EML6: variants seen among roughly 807,000 people sequenced by gnomAD.
The protein encoded by EML6 is EMAP like 6.
Under a neutral mutation model 240.1 loss-of-function variants are expected in EML6, and 154 were observed. The observed-to-expected ratio is 0.64, with a 90% confidence interval of 0.56 to 0.73. The LOEUF (loss-of-function observed/expected upper bound fraction) is 0.73. Ranked by LOEUF, EML6 falls within the 30% of genes least tolerant of loss-of-function variation. EML6 has a pLI of 0.00. For missense variants in EML6, 2,964 were observed against 2,474.6 expected (o/e 1.20, Z -4.20); for synonymous variants, 1,148 against 899.0 (o/e 1.28, Z -4.95).
In EML6 at chr2:54,820,323, T is replaced by C; in HGVS notation, c.457-71T>C. The C allele has an allele frequency of 7.1e-6, 6 of 840,594 alleles. No homozygotes were observed. In the South Asian group the frequency reaches 9.3e-5, roughly 13 times the overall value. 52.1% of individuals were successfully genotyped at this position (840,594 alleles called of 1,614,324 possible). Reference sequence around the variant, plus strand: ...AAATGTTATAGTAGAGTCTTGGCAATTGGACTAGTATTGGGAAAAGGCAAA... The same window carrying C: ...AAATGTTATAGTAGAGTCTTGGCAACTGGACTAGTATTGGGAAAAGGCAAA... On this transcript the variant is annotated intron_variant, in intron 4 of 41. Coordinates refer to ENST00000356458, the MANE Select transcript of EML6 (RefSeq NM_001039753.4).
intron 7 of EML6, among the ~76,000 whole-genome samples, chr2:54,841,743 C>CT (rs1211039185): frequency 6.6e-6 from 1 of 152,004 alleles, no homozygotes; most frequent in Non-Finnish European, 1.5e-5. Context: ...CAGGTGCGTG[C>CT]TACCATGTCC....
intron 28 of EML6, among the ~76,000 whole-genome samples, chr2:54,938,525 C>T (rs957352076): frequency 6.6e-5 from 10 of 152,094 alleles, no homozygotes; most frequent in Admixed American, 1.3e-4. Flanking sequence ...ACTTTTCTAC[C>T]ATCTCCTCCT....
At chr2:54,924,189 A>G (rs1674419826) in intron 26 of EML6, among the ~76,000 whole-genome samples, 1 of 152,228 alleles carries the variant, frequency 6.6e-6, no homozygotes, top group Non-Finnish European at 1.5e-5. Context: ...AGAAACTGCC[A>G]GACCTTTTTC....
intron 16 of EML6, among the ~76,000 whole-genome samples, chr2:54,876,985 A>T (rs957957109): frequency 4.8e-5 from 7 of 146,040 alleles, no homozygotes; most frequent in South Asian, 2.2e-4. Context: ...CCAAAAAAAA[A>T]TTTTTTTTTT....
intron 7 of EML6, among the ~76,000 whole-genome samples, chr2:54,838,984 A>G (rs1669298585): frequency 6.6e-6 from 1 of 152,242 alleles, no homozygotes; most frequent in Admixed American, 6.5e-5. Flanking sequence ...TCCAAATACT[A>G]GCTTATATTT....
At chr2:54,772,229 G>C (rs548757948) in intron 2 of EML6, among the ~76,000 whole-genome samples, 193 of 152,342 alleles carry the variant, frequency 1.3e-3, no homozygotes, top group African/African-American at 4.4e-3. Flanking sequence ...TGTGATGAAA[G>C]AGCTTCCAAT....
rs566738758 is a variant in EML6 at position 54,766,462 on chromosome 2, G to A, written c.197+41204G>A. Among the ~76,000 whole-genome samples the A allele has an allele frequency of 1.6e-4, 25 of 152,136 alleles. No individual in the cohort carries two copies. The South Asian group carries it at 5.2e-3, about 32-fold the overall frequency. ...TTGTCCAGTGTTTTCTTACAATTTT[G>A]TTTATATAATTTTGGCAGAAGTATC... On this transcript the variant is annotated intron_variant, in intron 2 of 41. Coordinates refer to ENST00000356458, the MANE Select transcript of EML6 (RefSeq NM_001039753.4).
intron 26 of EML6, among the ~76,000 whole-genome samples, chr2:54,920,360 T>C (rs1006963544): frequency 6.6e-6 from 1 of 152,028 alleles, no homozygotes; most frequent in Non-Finnish European, 1.5e-5. Context: ...ATACAAAGGA[T>C]CATAAGAGAC....
chr2:54,910,374 C>G (rs1673576097), intron 24 of EML6, among the ~76,000 whole-genome samples: 1 of 152,176 alleles, frequency 6.6e-6, no homozygotes, highest in Non-Finnish European at 1.5e-5. Context: ...GACTGAAAGA[C>G]TATTTTTGCC....
chr2:54,824,903 C>A (rs1668514087), intron 5 of EML6, among the ~76,000 whole-genome samples: 1 of 152,162 alleles, frequency 6.6e-6, no homozygotes. Flanking sequence ...TGTTGCTACC[C>A]TAAACTGCCA....
At position 54,849,740 on chromosome 2, in the gene EML6, G is replaced by A. The variant is rs1038618390; in HGVS notation, c.1188-222G>A. Among the ~76,000 whole-genome samples, 55 of 152,210 alleles carry A rather than the reference G, an allele frequency of 3.6e-4. 1 individual carries two copies. Among genetic ancestry groups the A allele is most frequent in the African/African-American group, 1.3e-3 (55 of 41,542 alleles). On this transcript the variant is annotated intron_variant, in intron 9 of 41. Transcript: ENST00000356458. The stretch of plus-strand genomic sequence containing the variant: ...CCTGACCTCGTGATCCGTCTGCCTC[G>A]GCCTCCCAAAGTGCTGGGATTACAG...
chr2:54,916,969 A>C, intron 26 of EML6, 34 bp downstream of exon 26: 2 of 1,462,558 alleles, frequency 1.4e-6, no homozygotes, highest in Non-Finnish European at 1.9e-6. Context: ...TTACTTGCTC[A>C]GTCTCCTTAA....
intron 16 of EML6, among the ~76,000 whole-genome samples, chr2:54,876,755 C>A (rs1671527334): frequency 6.6e-6 from 1 of 152,152 alleles, no homozygotes; most frequent in South Asian, 2.1e-4. Flanking sequence ...TGTGACATTT[C>A]AGTACATGTA....
intron 2 of EML6, among the ~76,000 whole-genome samples, chr2:54,728,488 G>A (rs931782965): frequency 2.6e-5 from 4 of 152,174 alleles, no homozygotes; most frequent in Non-Finnish European, 5.9e-5. Context: ...GCTGCTTTAG[G>A]GGAAAGGGCA....
At chr2:54,821,819 T>C (rs1225786624) in intron 5 of EML6, among the ~76,000 whole-genome samples, 1 of 152,104 alleles carries the variant, frequency 6.6e-6, no homozygotes, top group African/African-American at 2.4e-5. Context: ...ACAAAGTCTA[T>C]ATGAATTAAA....
chr2:54,955,123 T>A (rs999996532), intron 32 of EML6, among the ~76,000 whole-genome samples: 1 of 152,262 alleles, frequency 6.6e-6, no homozygotes, highest in Admixed American at 6.5e-5. Flanking sequence ...TGATCTATAA[T>A]GTTTCTAGGA....
At chr2:54,914,529 G>T (rs1280890262) in intron 25 of EML6, among the ~76,000 whole-genome samples, 1 of 147,856 alleles carries the variant, frequency 6.8e-6, no homozygotes, top group Admixed American at 6.9e-5. Flanking sequence ...ATGTTATAAT[G>T]CTTCCCAAAG....
chr2:54,796,857 C>T (rs1239008652), intron 2 of EML6, among the ~76,000 whole-genome samples: 1 of 151,970 alleles, frequency 6.6e-6, no homozygotes, highest in African/African-American at 2.4e-5. Context: ...GACAAGGACT[C>T]CTCACCCTGT....
intron 28 of EML6, among the ~76,000 whole-genome samples, chr2:54,929,405 A>G (rs982675164): frequency 2.0e-5 from 3 of 152,258 alleles, no homozygotes; most frequent in African/African-American, 4.8e-5. Flanking sequence ...TAAAAAGAAA[A>G]GCTCAGAATT....
Sources: allele counts gnomAD v4.1 joint callset (sites outside exome capture counted in the v4.1 genomes callset), GRCh38; gene constraint gnomAD v4.1.1; transcripts MANE v1.5; gene names NCBI Gene and HGNC (gene_info 2026-07-23, HGNC 2026-07-21).